SH3PXD2A: variants seen among roughly 807,000 people sequenced by gnomAD.
SH3PXD2A encodes the protein SH3 and PX domains 2A, also known as SH3 and PX domain-containing protein 2A.
SH3PXD2A carries 32 observed loss-of-function variants against 115.2 expected under a neutral mutation model. The ratio of observed to expected loss-of-function variants is 0.28; its 90% confidence interval spans 0.21 to 0.37. The LOEUF (loss-of-function observed/expected upper bound fraction) is 0.37. SH3PXD2A is among the 10% of genes least tolerant of loss of function. SH3PXD2A has a pLI of 1.00. For missense variants in SH3PXD2A, 1,328 were observed against 1,498.7 expected, an observed-to-expected ratio of 0.89 and a Z score of 1.88; for synonymous variants, 610 against 629.1, an observed-to-expected ratio of 0.97 and a Z score of 0.45.
At position 103,724,315 on chromosome 10, in the gene SH3PXD2A, A is replaced by T; in HGVS notation, c.353T>A (p.Phe118Tyr). The T allele has an allele frequency of 6.3e-7, 1 of 1,585,272 alleles. No individual in the cohort carries two copies. The highest frequency in any genetic ancestry group is 1.4e-5 in the African/African-American group (1 of 72,900). Residue 118 changes from phenylalanine (F) to tyrosine (Y), a missense_variant, in exon 5 of 15, where the codon TTC becomes TAC. Physicochemically the swap from Phe to Tyr is conservative, Grantham distance 22. Coordinates refer to ENST00000369774, the MANE Select transcript of SH3PXD2A (RefSeq NM_001394015.1). ...CTCGGGTCGAGCCTCGAAGAACCGG[A>T]AGACTTCGTCACACTGTGAGATGTG... is the stretch of plus-strand genomic sequence containing the variant. ...PPHISQCDEV[F>Y]RFFEARPEDV...
chr10:103,748,593 C>A (rs1255348753), intron 3 of SH3PXD2A, among the ~76,000 whole-genome samples: 2 of 152,138 alleles, frequency 1.3e-5, no homozygotes, highest in Admixed American at 1.3e-4. Flanking sequence ...CATAGGCACA[C>A]GCAGGAGGGA....
chr10:103,640,287 C>T (rs1564851445), intron 8 of SH3PXD2A, among the ~76,000 whole-genome samples: 1 of 151,454 alleles, frequency 6.6e-6, no homozygotes, highest in Non-Finnish European at 1.5e-5. Context: ...TGCACTGTAG[C>T]CTGGGTGACA....
At chr10:103,685,141 C>T (rs2037660940) in intron 6 of SH3PXD2A, among the ~76,000 whole-genome samples, 1 of 152,120 alleles carries the variant, frequency 6.6e-6, no homozygotes, top group Admixed American at 6.5e-5. Context: ...AGTTCAAGAC[C>T]AGCCTAGCCA....
chr10:103,687,325 C>T (rs1470773013), intron 6 of SH3PXD2A, among the ~76,000 whole-genome samples: 1 of 152,172 alleles, frequency 6.6e-6, no homozygotes, highest in Non-Finnish European at 1.5e-5. Context: ...TTAATATATA[C>T]CTCCCACTCG....
intron 2 of SH3PXD2A, among the ~76,000 whole-genome samples, chr10:103,800,579 G>C (rs1206437550): frequency 6.6e-6 from 1 of 152,198 alleles, no homozygotes; most frequent in East Asian, 1.9e-4. Flanking sequence ...GGCTGCACAA[G>C]CTTCCCTGGT....
chr10:103,824,231 C>T (rs899753355), intron 1 of SH3PXD2A, among the ~76,000 whole-genome samples: 1 of 152,186 alleles, frequency 6.6e-6, no homozygotes, highest in East Asian at 1.9e-4. Flanking sequence ...TGGCTTGGAG[C>T]TTTGATTTCC....
intron 4 of SH3PXD2A, among the ~76,000 whole-genome samples, chr10:103,732,971 C>T (rs531254801): frequency 1.5e-4 from 23 of 152,294 alleles, no homozygotes; most frequent in African/African-American, 5.5e-4. Flanking sequence ...TCCCTAAAAA[C>T]CATTCCAAGG....
At chr10:103,736,958 G>A (rs1233632036) in intron 3 of SH3PXD2A, 1 of 165,482 alleles carries the variant, frequency 6.0e-6, no homozygotes, top group Non-Finnish European at 1.2e-5. Flanking sequence ...GTGGTGGGGA[G>A]GGACCCAATC....
At chr10:103,669,453 T>C (rs191161561) in intron 6 of SH3PXD2A, among the ~76,000 whole-genome samples, 24 of 152,346 alleles carry the variant, frequency 1.6e-4, no homozygotes, top group Admixed American at 3.9e-4. Context: ...ACCATTAACA[T>C]CTGAATGAGG....
chr10:103,847,347 T>C (rs937598919), intron 1 of SH3PXD2A, among the ~76,000 whole-genome samples: 3 of 151,682 alleles, frequency 2.0e-5, no homozygotes, highest in Admixed American at 2.0e-4. Context: ...AGGGTCTCAC[T>C]CTGTCACCCA....
intron 1 of SH3PXD2A, among the ~76,000 whole-genome samples, chr10:103,822,713 C>G (rs1230447957): frequency 1.3e-5 from 2 of 152,156 alleles, no homozygotes; most frequent in African/African-American, 4.8e-5. Flanking sequence ...TTAGAGAATA[C>G]CCCCTCTCTC....
chr10:103,605,963 A>G (rs2036293721), intron 13 of SH3PXD2A, 46 bp from the exon 14 acceptor site: 4 of 1,604,814 alleles, frequency 2.5e-6, no homozygotes, highest in Non-Finnish European at 3.4e-6. Context: ...CTAAATCAGA[A>G]GAGTAACTTG....
At chr10:103,700,810 C>A (rs2037883950) in intron 5 of SH3PXD2A, among the ~76,000 whole-genome samples, 2 of 152,164 alleles carry the variant, frequency 1.3e-5, no homozygotes, top group Admixed American at 6.5e-5. Context: ...CCAGGGGCTA[C>A]ATGCCAGACC....
At chr10:103,612,797 T>C in intron 12 of SH3PXD2A, 56 bp downstream of exon 12, 1 of 1,318,042 alleles carries the variant, frequency 7.6e-7, no homozygotes, top group Non-Finnish European at 1.0e-6. Context: ...ACGGCACCCA[T>C]GCCCATTCTC....
At chr10:103,834,242 C>T (rs1051429633) in intron 1 of SH3PXD2A, among the ~76,000 whole-genome samples, 1 of 152,160 alleles carries the variant, frequency 6.6e-6, no homozygotes, top group Non-Finnish European at 1.5e-5. Context: ...GACCCCTCGG[C>T]CACCACATGG....
chr10:103,727,853 C>T (rs1389991808), intron 4 of SH3PXD2A, among the ~76,000 whole-genome samples: 2 of 152,252 alleles, frequency 1.3e-5, no homozygotes, highest in African/African-American at 4.8e-5. Context: ...CAGCCCAGAG[C>T]AGCTTCCATC....
intron 5 of SH3PXD2A, among the ~76,000 whole-genome samples, chr10:103,714,980 G>A (rs923074490): frequency 9.2e-5 from 14 of 152,150 alleles, no homozygotes; most frequent in Non-Finnish European, 7.4e-5. Flanking sequence ...GGGCAGCCTC[G>A]CTCCACAGGC....
At chr10:103,755,431 TTTTAA>T (rs2038629419) in intron 3 of SH3PXD2A, 1 of 152,322 alleles carries the variant, frequency 6.6e-6, no homozygotes, top group South Asian at 2.1e-4. Context: ...TTGGGATTTC[TTTTAA>T]TTTTTATTTT....
At chr10:103,772,883 A>G (rs1016672939) in intron 2 of SH3PXD2A, among the ~76,000 whole-genome samples, 1 of 152,182 alleles carries the variant, frequency 6.6e-6, no homozygotes, top group African/African-American at 2.4e-5. Flanking sequence ...AGGGTGCATT[A>G]CTACAAAAAG....
Sources: gnomAD v4.1 joint callset for allele counts (sites outside exome capture counted in the v4.1 genomes callset) on GRCh38, gnomAD v4.1.1 for gene constraint, MANE v1.5 for transcripts, NCBI Gene and HGNC (gene_info 2026-07-23, HGNC 2026-07-21) for gene names.